Variants in POLDIP3 observed in about 807,000 individuals in gnomAD.
The protein encoded by POLDIP3 is polymerase delta-interacting protein 3.
In POLDIP3, 14 loss-of-function variants were observed where a neutral mutation model predicts 45.1. The observed-to-expected ratio is 0.31, with a 90% CI of 0.20 to 0.49. The LOEUF (loss-of-function observed/expected upper bound fraction) is 0.49. Ranked by LOEUF, POLDIP3 falls within the 20% of genes least tolerant of loss-of-function variation. POLDIP3 has a pLI of 0.99. For synonymous variants in POLDIP3, 223 were observed against 205.2 expected (o/e 1.09, Z -0.74); for missense variants, 511 against 538.8 (o/e 0.95, Z 0.51).
intron 4 of POLDIP3, among the ~76,000 whole-genome samples, chr22:42,598,949 T>C (rs545307002): frequency 2.0e-5 from 3 of 152,384 alleles, no homozygotes; most frequent in East Asian, 1.9e-4. Context: ...TTTCCCTGCA[T>C]GCAGGCTGCA....
At chr22:42,613,138 G>A (rs576943265) in intron 1 of POLDIP3, among the ~76,000 whole-genome samples, 1 of 152,204 alleles carries the variant, frequency 6.6e-6, no homozygotes, top group Admixed American at 6.6e-5. Flanking sequence ...ACCTCAGAGA[G>A]AGAAGAACCT....
At chr22:42,613,121 C>T (rs1014138427) in intron 1 of POLDIP3, among the ~76,000 whole-genome samples, 1 of 152,132 alleles carries the variant, frequency 6.6e-6, no homozygotes, top group African/African-American at 2.4e-5. Context: ...CAGAAACTGG[C>T]GGAGTGACCT....
Position 42,596,339 on chromosome 22 carries a change from G to C in POLDIP3, c.660C>G (p.Ser220=), listed in dbSNP as rs767809171. 6.2e-7 allele frequency: 1 copy of C among 1,614,136 alleles called. No homozygotes were observed. Among genetic ancestry groups the C allele is most frequent in the South Asian group, 1.1e-5 (1 of 91,078 alleles). ...HMAGLSSSKL[S]MSKALPLTKV... ...TGGTGAGAGGGAGGGCCTTGGACAT[G>C]GAAAGCTTGGAACTGCTTAGCCCAG... is the stretch of plus-strand genomic sequence containing the variant. Residue 220 remains serine, a synonymous_variant, in exon 5 of 9, where the codon TCC becomes TCG. Coordinates refer to ENST00000252115, the MANE Select transcript of POLDIP3 (RefSeq NM_032311.5).
In POLDIP3 at chr22:42,602,972, G is replaced by A; in HGVS notation, c.248C>T (p.Ala83Val). Reference sequence around the variant, plus strand: ...CACTTTCCCTTTGATTCGAAATCGGGCATCTTTCTGCAAAAGCTTCTCCCG... The same window carrying A: ...CACTTTCCCTTTGATTCGAAATCGGACATCTTTCTGCAAAAGCTTCTCCCG... ...DAREKLLQKD[A>V]RFRIKGKVQD... The change falls in exon 2 of 9, where the codon GCC (alanine) becomes GTC (valine). Residue 83 changes from alanine (A) to valine (V), a missense_variant. By Grantham distance (64) the Ala-to-Val change is moderately conservative (BLOSUM62 0). Coordinates refer to ENST00000252115, the MANE Select transcript of POLDIP3 (RefSeq NM_032311.5). The A allele has an allele frequency of 6.2e-7, 1 of 1,613,992 alleles. No individual in the cohort carries two copies. Among genetic ancestry groups the A allele is most frequent in the Non-Finnish European group, 8.5e-7 (1 of 1,179,984 alleles).
At chr22:42,589,538 A>G (rs1014871047) in intron 7 of POLDIP3, among the ~76,000 whole-genome samples, 1 of 151,988 alleles carries the variant, frequency 6.6e-6, no homozygotes, top group African/African-American at 2.4e-5. Flanking sequence ...CGCCGGGTGC[A>G]GTGGCTCACA....
At chr22:42,607,132 CCCCTCT>C (rs1464516352) in intron 1 of POLDIP3, among the ~76,000 whole-genome samples, 6 of 152,332 alleles carry the variant, frequency 3.9e-5, no homozygotes, top group East Asian at 3.9e-4. Flanking sequence ...CCTCCCCCTC[CCCCTCT>C]CCCCAGTTTC....
chr22:42,591,916 G>A, intron 7 of POLDIP3, 39 bp downstream of exon 7: 3 of 1,612,906 alleles, frequency 1.9e-6, no homozygotes, highest in Non-Finnish European at 2.5e-6. Context: ...AAGTAGAGAT[G>A]AGTGGGAGGG....
At chr22:42,607,083 G>A (rs1312847527) in intron 1 of POLDIP3, among the ~76,000 whole-genome samples, 2 of 152,184 alleles carry the variant, frequency 1.3e-5, no homozygotes, top group Non-Finnish European at 2.9e-5. Flanking sequence ...TGGGCAACAT[G>A]GCAAAACCCT....
intron 6 of POLDIP3, 108 bp downstream of exon 6, chr22:42,595,429 C>T (rs1925925242): frequency 8.3e-6 from 8 of 959,666 alleles, no homozygotes; most frequent in African/African-American, 1.6e-5. Context: ...TGACTATATG[C>T]TGAGTCTGGT....
At chr22:42,598,728 AG>A (rs573916293) in intron 4 of POLDIP3, among the ~76,000 whole-genome samples, 7 of 152,202 alleles carry the variant, frequency 4.6e-5, no homozygotes, top group Non-Finnish European at 1.0e-4. Context: ...CCACATACTC[AG>A]GACAGTAACC....
chr22:42,592,223 C>G, intron 6 of POLDIP3, 139 bp from the exon 7 acceptor site: 2 of 1,270,994 alleles, frequency 1.6e-6, no homozygotes, highest in African/African-American at 1.5e-5. Flanking sequence ...AGGCTCCACG[C>G]GAGGTGGTGC....
intron 7 of POLDIP3, among the ~76,000 whole-genome samples, chr22:42,590,061 C>T (rs575326700): frequency 4.0e-5 from 6 of 151,822 alleles, no homozygotes; most frequent in Non-Finnish European, 7.4e-5. Context: ...TGAAACAATC[C>T]TAAATAACCA....
In POLDIP3 at chr22:42,585,602, G is replaced by A. The variant is rs1424211027; in HGVS notation, c.*189C>T. On this transcript the variant is annotated 3_prime_UTR_variant, in exon 9 of 9. Coordinates refer to ENST00000252115, the MANE Select transcript of POLDIP3 (RefSeq NM_032311.5). The stretch of plus-strand genomic sequence containing the variant: ...ACATACTACAGGAAACGTTAACGTA[G>A]AGAGAAGAGCACAGGGCAGAACACA... The A allele has an allele frequency of 1.2e-5, 8 of 653,454 alleles. No individual in the cohort carries two copies. Among genetic ancestry groups the A allele is most frequent in the Non-Finnish European group, 2.1e-5 (8 of 377,348 alleles). The allele number at this position is 653,454 out of a possible 1,614,324, so 40.5% of individuals were successfully genotyped here.
chr22:42,594,378 G>A (rs963714487), intron 6 of POLDIP3, among the ~76,000 whole-genome samples: 1 of 152,196 alleles, frequency 6.6e-6, no homozygotes, highest in Non-Finnish European at 1.5e-5. Flanking sequence ...AGGCGTAGTG[G>A]CAGGCGCCTC....
rs761600304 is a variant in POLDIP3 at position 42,601,976 on chromosome 22, G to A, written c.531C>T (p.Ala177=). ...MRINVVNNHQ[A]KQNLYDLDED... ...TCTCACTCACTCACTCTACCTGTTT[G>A]GCCTGGTGGTTATTGACAACATTGA... The change falls in exon 3 of 9, where the codon GCC becomes GCT. Residue 177 remains alanine (A), a synonymous_variant. Coordinates refer to ENST00000252115, the MANE Select transcript of POLDIP3 (RefSeq NM_032311.5). 6.2e-7 allele frequency: 1 copy of A among 1,613,874 alleles called. No individual in the cohort carries two copies. The highest frequency in any genetic ancestry group is 8.5e-7 in the Non-Finnish European group (1 of 1,179,884).
chr22:42,600,089 A>G (rs568770679), intron 3 of POLDIP3, among the ~76,000 whole-genome samples: 5 of 152,346 alleles, frequency 3.3e-5, no homozygotes, highest in Admixed American at 2.0e-4. Context: ...TTTGGCTTGG[A>G]AAGTCCATCC....
intron 7 of POLDIP3, 124 bp from the exon 8 acceptor site, chr22:42,587,696 G>A (rs1052699179): frequency 2.3e-6 from 2 of 883,772 alleles, no homozygotes; most frequent in South Asian, 1.5e-5. Flanking sequence ...TGGCTCCACA[G>A]ATGGAGATGG....
chr22:42,591,084 T>C (rs1425314990), intron 7 of POLDIP3, among the ~76,000 whole-genome samples: 1 of 130,418 alleles, frequency 7.7e-6, no homozygotes, highest in Non-Finnish European at 1.7e-5. Flanking sequence ...AATAAAAAAA[T>C]AAAAAAATAA....
Position 42,599,260 on chromosome 22 carries a change from C to T in POLDIP3, c.633+438G>A, listed in dbSNP as rs992972344. Reference sequence around the variant, plus strand: ...ATAAAACTAAGGGAATGGACTAGTTCCAGCTCTGAAAATCTTACGGCCCAA... The same window carrying T: ...ATAAAACTAAGGGAATGGACTAGTTTCAGCTCTGAAAATCTTACGGCCCAA... On this transcript the variant is annotated intron_variant, in intron 4 of 8. Coordinates refer to ENST00000252115, the MANE Select transcript of POLDIP3 (RefSeq NM_032311.5). Among the ~76,000 whole-genome samples, 9 of 152,250 alleles carry T rather than the reference C, an allele frequency of 5.9e-5. No homozygotes were observed. The East Asian group carries it at 1.5e-3, about 26-fold the overall frequency.
Sources: gnomAD v4.1 joint callset for allele counts (sites outside exome capture counted in the v4.1 genomes callset) on GRCh38, gnomAD v4.1.1 for gene constraint, MANE v1.5 for transcripts, NCBI Gene and HGNC (gene_info 2026-07-23, HGNC 2026-07-21) for gene names.